Variants in TRHDE observed in about 807,000 individuals in gnomAD.
TRHDE encodes the protein thyrotropin-releasing hormone-degrading ectoenzyme.
TRHDE carries 72 observed loss-of-function variants against 125.7 expected under a neutral mutation model. The observed-to-expected ratio is 0.57, with a 90% confidence interval of 0.47 to 0.70. The LOEUF (loss-of-function observed/expected upper bound fraction) is 0.70. Ranked by LOEUF, TRHDE falls within the 30% of genes least tolerant of loss-of-function variation. The pLI, the probability that TRHDE is intolerant of heterozygous loss-of-function variation, is 0.00. For synonymous variants in TRHDE, 509 were observed against 509.1 expected (o/e 1.00, Z 0.00); for missense variants, 1,110 against 1,327.1 (o/e 0.84, Z 2.54).
chr12:72,186,820 C>T (rs1877225463), intron 2 of TRHDE, among the ~76,000 whole-genome samples: 1 of 151,598 alleles, frequency 6.6e-6, no homozygotes, highest in African/African-American at 2.4e-5. Flanking sequence ...TTGTAAGTGG[C>T]TCTCCTTTAT....
At chr12:72,455,496 G>A (rs1289824720) in intron 3 of TRHDE, among the ~76,000 whole-genome samples, 1 of 152,020 alleles carries the variant, frequency 6.6e-6, no homozygotes, top group African/African-American at 2.4e-5. Flanking sequence ...TATATCTTCT[G>A]TAGAAATATT....
At chr12:72,375,488 G>T (rs1871836144) in intron 2 of TRHDE, among the ~76,000 whole-genome samples, 1 of 152,130 alleles carries the variant, frequency 6.6e-6, no homozygotes, top group Non-Finnish European at 1.5e-5. Flanking sequence ...TAACTGGTAA[G>T]ATCGATTGAT....
intron 12 of TRHDE, among the ~76,000 whole-genome samples, chr12:72,603,451 C>T (rs1003134786): frequency 7.9e-5 from 12 of 151,946 alleles, no homozygotes; most frequent in Non-Finnish European, 1.3e-4. Flanking sequence ...GTGGGCCGAG[C>T]GCGGTGTCTC....
chr12:72,395,728 G>A (rs1872762076), intron 3 of TRHDE, among the ~76,000 whole-genome samples: 1 of 152,080 alleles, frequency 6.6e-6, no homozygotes. Context: ...GCATTGACTT[G>A]ATGACTTGAT....
intron 2 of TRHDE, among the ~76,000 whole-genome samples, chr12:72,189,332 TG>T (rs1877291560): frequency 6.6e-6 from 1 of 152,190 alleles, no homozygotes; most frequent in South Asian, 2.1e-4. Context: ...GAGGGAAGAA[TG>T]GTGGACATTA....
At position 72,413,753 on chromosome 12, in the gene TRHDE, T is replaced by G. The variant is rs535788943; in HGVS notation, c.1315+35632T>G. Among the ~76,000 whole-genome samples the G allele has an allele frequency of 7.2e-5, 11 of 152,144 alleles. No homozygotes were observed. In the South Asian group the frequency reaches 1.9e-3, roughly 26 times the overall value. On this transcript the variant is annotated intron_variant, in intron 3 of 18. Transcript: ENST00000261180. ...TAAGAAAAGTTCATGAGCATCACCA[T>G]CCTCCAAATCTAGATTGTCATACAC...
At chr12:72,656,175 C>G (rs1478481884) in intron 17 of TRHDE, among the ~76,000 whole-genome samples, 2 of 152,064 alleles carry the variant, frequency 1.3e-5, no homozygotes, top group African/African-American at 4.8e-5. Context: ...CTTTTCAACT[C>G]ACTGACACAA....
rs532378342 is a variant in TRHDE at position 72,151,182 on chromosome 12, G to A, written n.279+45430G>A. On this transcript the variant is annotated intron_variant and non_coding_transcript_variant, in intron 2 of 4. Transcript: ENST00000548156. ...GAGCATTTTTTCATGTGTCTGTTGG[G>A]TGCATAAATGTCTTCTTTTGAGAAG... is the stretch of plus-strand genomic sequence containing the variant. Among the ~76,000 whole-genome samples the A allele has an allele frequency of 3.3e-5, 5 of 152,182 alleles. No homozygotes were observed. The South Asian group carries it at 1.0e-3, about 32-fold the overall frequency.
At chr12:72,415,846 G>A (rs1873708868) in intron 3 of TRHDE, among the ~76,000 whole-genome samples, 1 of 151,954 alleles carries the variant, frequency 6.6e-6, no homozygotes. Context: ...AGTAAACATG[G>A]GAGTGAGGAA....
At chr12:72,569,736 A>G (rs1870630060) in intron 10 of TRHDE, among the ~76,000 whole-genome samples, 1 of 152,246 alleles carries the variant, frequency 6.6e-6, no homozygotes, top group African/African-American at 2.4e-5. Context: ...TTTTATTTAT[A>G]TACGCTGTAT....
Position 72,447,564 on chromosome 12 carries a change from G to T in TRHDE, c.1316-22194G>T, listed in dbSNP as rs1875358260. Among the ~76,000 whole-genome samples the T allele has an allele frequency of 2.0e-5, 3 of 152,014 alleles. No homozygotes were observed. In the South Asian group the frequency reaches 6.2e-4, roughly 31 times the overall value. ...TTAACCAAAAGCATTAGCAACTACG[G>T]AATCAAGCAATCTGTTTTATGAAAC... On this transcript the variant is annotated intron_variant, in intron 3 of 18. Coordinates refer to ENST00000261180, the MANE Select transcript of TRHDE (RefSeq NM_013381.3).
chr12:72,315,850 G>T (rs1868775674), intron 2 of TRHDE, among the ~76,000 whole-genome samples: 1 of 152,298 alleles, frequency 6.6e-6, no homozygotes, highest in Admixed American at 6.5e-5. Flanking sequence ...TTGATTTTCT[G>T]CAGCATTTTA....
At chr12:72,245,936 C>G (rs1878568024) in intron 2 of TRHDE, among the ~76,000 whole-genome samples, 1 of 152,008 alleles carries the variant, frequency 6.6e-6, no homozygotes, top group African/African-American at 2.4e-5. Context: ...GTTGATCTAT[C>G]TTGTTATTCT....
At chr12:72,543,971 A>G (rs1443170030) in intron 7 of TRHDE, among the ~76,000 whole-genome samples, 1 of 151,196 alleles carries the variant, frequency 6.6e-6, no homozygotes, top group Non-Finnish European at 1.5e-5. Flanking sequence ...TATCATATTA[A>G]ACTTTCATTC....
intron 2 of TRHDE, among the ~76,000 whole-genome samples, chr12:72,359,860 C>T (rs1303953931): frequency 6.6e-6 from 1 of 151,652 alleles, no homozygotes; most frequent in Non-Finnish European, 1.5e-5. Flanking sequence ...TACAAGGCTT[C>T]AGGATTTATT....
chr12:72,395,851 T>G (rs537797325), intron 3 of TRHDE, among the ~76,000 whole-genome samples: 1 of 152,326 alleles, frequency 6.6e-6, no homozygotes, highest in African/African-American at 2.4e-5. Flanking sequence ...TCACATCTTT[T>G]TCCCTCCCTT....
At chr12:72,540,677 T>C (rs868210396) in intron 6 of TRHDE, among the ~76,000 whole-genome samples, 3 of 151,716 alleles carry the variant, frequency 2.0e-5, no homozygotes, top group Middle Eastern at 6.8e-3. Context: ...GGAGAGCTTG[T>C]CAAGGCAATT....
chr12:72,335,196 A>G (rs990811627), intron 2 of TRHDE, among the ~76,000 whole-genome samples: 3 of 152,214 alleles, frequency 2.0e-5, no homozygotes, highest in Non-Finnish European at 4.4e-5. Flanking sequence ...AATTCACTAC[A>G]GCTTGCCAAT....
chr12:72,090,932 A>G (rs1435644606), intron 1 of TRHDE, among the ~76,000 whole-genome samples: 4 of 151,732 alleles, frequency 2.6e-5, no homozygotes, highest in Admixed American at 6.6e-5. Context: ...GTACAGTGGC[A>G]CAATCATAGC....
Sources: allele counts gnomAD v4.1 joint callset (sites outside exome capture counted in the v4.1 genomes callset), GRCh38; gene constraint gnomAD v4.1.1; transcripts MANE v1.5; gene names NCBI Gene and HGNC (gene_info 2026-07-23, HGNC 2026-07-21).